WDPCP: variants seen among roughly 807,000 people sequenced by gnomAD.
The protein encoded by WDPCP is WD repeat containing planar cell polarity effector, also known as WD repeat-containing and planar cell polarity effector protein fritz homolog.
In WDPCP, 71 loss-of-function variants were observed where a neutral mutation model predicts 93.1. The observed-to-expected ratio is 0.76, with a 90% CI of 0.63 to 0.93. WDPCP has a LOEUF of 0.93. Among genes scored for constraint, WDPCP ranks in the 40% least tolerant of loss-of-function variants. WDPCP has a pLI of 0.00. For synonymous variants in WDPCP, 315 were observed against 315.0 expected (o/e 1.00, Z 0.00); for missense variants, 844 against 887.4 (o/e 0.95, Z 0.62).
chr2:63,816,435 G>T (rs1558917955), intron 1 of WDPCP, among the ~76,000 whole-genome samples: 1 of 152,150 alleles, frequency 6.6e-6, no homozygotes, highest in African/African-American at 2.4e-5. Flanking sequence ...CTTGAGATGA[G>T]ATCAATGACA....
At chr2:63,419,133 G>T (rs1695649351) in intron 9 of WDPCP, among the ~76,000 whole-genome samples, 1 of 151,898 alleles carries the variant, frequency 6.6e-6, no homozygotes, top group African/African-American at 2.4e-5. Context: ...ATCCTTCAGT[G>T]TATCTTTTGT....
At chr2:63,562,611 T>C (rs1706711808) in intron 1 of WDPCP, among the ~76,000 whole-genome samples, 1 of 152,228 alleles carries the variant, frequency 6.6e-6, no homozygotes. Flanking sequence ...CCCAAATAAA[T>C]TATTACTATG....
chr2:63,248,714 ATTC>A (rs1680482754), intron 14 of WDPCP, among the ~76,000 whole-genome samples: 1 of 152,052 alleles, frequency 6.6e-6, no homozygotes, highest in South Asian at 2.1e-4. Context: ...ACTTTTCATA[ATTC>A]TTCTTGGTCC....
At chr2:63,817,454 A>C (rs1670953715) in intron 1 of WDPCP, among the ~76,000 whole-genome samples, 5 of 152,212 alleles carry the variant, frequency 3.3e-5, no homozygotes, top group Admixed American at 3.3e-4. Context: ...AATTTTTAAA[A>C]ACTAAGGAAT....
intron 14 of WDPCP, among the ~76,000 whole-genome samples, chr2:63,213,736 T>C (rs950953759): frequency 2.0e-5 from 3 of 151,978 alleles, no homozygotes; most frequent in Admixed American, 6.6e-5. Context: ...GCAAGACTAA[T>C]AAAGAAGAAA....
chr2:63,685,259 A>G (rs148018517), intron 2 of WDPCP, among the ~76,000 whole-genome samples: 3 of 152,330 alleles, frequency 2.0e-5, no homozygotes, highest in African/African-American at 4.8e-5. Context: ...AAAATCAGAG[A>G]TGAAAAAGCA....
chr2:63,434,577 G>T (rs1422227533), intron 8 of WDPCP, among the ~76,000 whole-genome samples: 1 of 152,054 alleles, frequency 6.6e-6, no homozygotes, highest in Non-Finnish European at 1.5e-5. Flanking sequence ...GGCACCATCT[G>T]TGTGACACAT....
intron 2 of WDPCP, among the ~76,000 whole-genome samples, chr2:63,797,477 A>G (rs1044933047): frequency 2.0e-5 from 3 of 152,056 alleles, no homozygotes; most frequent in African/African-American, 7.2e-5. Context: ...GAAGAGTCCC[A>G]GGCCTGGCAG....
intron 14 of WDPCP, among the ~76,000 whole-genome samples, chr2:63,231,343 G>A (rs952629712): frequency 2.8e-4 from 42 of 152,270 alleles, no homozygotes; most frequent in South Asian, 1.9e-3. Flanking sequence ...AATCAGGCAA[G>A]AGAAGGAAAT....
chr2:63,786,123 T>A (rs1368025311), intron 2 of WDPCP, among the ~76,000 whole-genome samples: 1 of 152,164 alleles, frequency 6.6e-6, no homozygotes, highest in African/African-American at 2.4e-5. Flanking sequence ...CACTGCAACC[T>A]CTGCCTCCCA....
chr2:63,806,658 C>T (rs573332119), intron 2 of WDPCP, among the ~76,000 whole-genome samples: 37 of 152,214 alleles, frequency 2.4e-4, no homozygotes, highest in African/African-American at 3.9e-4. Flanking sequence ...AAAATGACCA[C>T]GCCCCGGGGA....
chr2:63,244,647 C>T (rs1680127611), intron 14 of WDPCP, among the ~76,000 whole-genome samples: 1 of 152,102 alleles, frequency 6.6e-6, no homozygotes, highest in Admixed American at 6.6e-5. Flanking sequence ...AAACACACAA[C>T]CTCCCACTAC....
intron 3 of WDPCP, chr2:63,605,317 G>T: frequency 1.9e-6 from 3 of 1,614,138 alleles, no homozygotes; most frequent in Non-Finnish European, 1.7e-6. Flanking sequence ...ATCAAGGCTC[G>T]AAAACTATCC....
At chr2:63,145,683 C>T in intron 17 of WDPCP, among the ~76,000 whole-genome samples, 1 of 152,138 alleles carries the variant, frequency 6.6e-6, no homozygotes. Context: ...GGCTACCTGC[C>T]TCCCAGCTGC....
chr2:63,156,608 T>A (rs2103853918), intron 15 of WDPCP, among the ~76,000 whole-genome samples: 1 of 151,928 alleles, frequency 6.6e-6, no homozygotes, highest in African/African-American at 2.4e-5. Flanking sequence ...CGTGGTGGCA[T>A]GCACCTGTAA....
rs574959396 is a variant in WDPCP at position 63,534,619 on chromosome 2, A to G, written c.76-41679T>C. 6.7e-4 allele frequency among the ~76,000 whole-genome samples: 102 copies of G among 152,346 alleles called. 1 individual carries two copies. Among genetic ancestry groups the G allele is most frequent in the Non-Finnish European group, 1.2e-3 (85 of 68,024 alleles). ...AAACAAAGACAAAAACCACATGATT[A>G]TCTCAATAGATGCAGAAAAGGCCTC... On this transcript the variant is annotated intron_variant, in intron 1 of 17. Transcript: ENST00000272321.
chr2:63,227,243 T>C (rs1332581869), intron 14 of WDPCP, among the ~76,000 whole-genome samples: 1 of 151,930 alleles, frequency 6.6e-6, no homozygotes, highest in African/African-American at 2.4e-5. Context: ...TCTAGAGGAA[T>C]TGTAGAAGTT....
At chr2:63,156,625 C>T (rs1672269932) in intron 15 of WDPCP, among the ~76,000 whole-genome samples, 1 of 152,048 alleles carries the variant, frequency 6.6e-6, no homozygotes, top group Non-Finnish European at 1.5e-5. Flanking sequence ...GTAATCCCAG[C>T]TACTAGGGAG....
chr2:63,531,716 T>C (rs978240043), intron 1 of WDPCP, among the ~76,000 whole-genome samples: 34 of 152,086 alleles, frequency 2.2e-4, no homozygotes, highest in African/African-American at 8.2e-4. Flanking sequence ...GTCACCATTA[T>C]CAAAGACCAA....
Sources: gnomAD v4.1 joint callset for allele counts (sites outside exome capture counted in the v4.1 genomes callset) on GRCh38, gnomAD v4.1.1 for gene constraint, MANE v1.5 for transcripts, NCBI Gene and HGNC (gene_info 2026-07-23, HGNC 2026-07-21) for gene names.